Variants in STK38L observed in about 807,000 individuals in gnomAD.
STK38L encodes the protein serine/threonine kinase 38 like.
A neutral mutation model predicts 59.7 loss-of-function variants in STK38L; 28 were observed. The observed-to-expected ratio is 0.47, with a 90% CI of 0.35 to 0.64. STK38L has a LOEUF of 0.64. Among genes scored for constraint, STK38L ranks in the 30% least tolerant of loss-of-function variants. The probability of loss-of-function intolerance (pLI) is 0.01; values close to 1 mark genes in which losing one functional copy is unlikely to be tolerated. For missense variants in STK38L, 314 were observed against 555.8 expected, an observed-to-expected ratio of 0.56 and a Z score of 4.37; for synonymous variants, 162 against 176.8, an observed-to-expected ratio of 0.92 and a Z score of 0.66.
Position 27,259,644 on chromosome 12 carries a change from C to A in STK38L, c.-12+15312C>A, listed in dbSNP as rs552655428. ...ATAGAAGTGAAGGGTTTCTTTCCCCCCCTTTTTTTTCCTATCATGTATTAA... is the reference window on the plus strand; with the variant it reads ...ATAGAAGTGAAGGGTTTCTTTCCCCACCTTTTTTTTCCTATCATGTATTAA... On this transcript the variant is annotated intron_variant, in intron 1 of 13. Transcript: ENST00000389032. Among the ~76,000 whole-genome samples the A allele has an allele frequency of 3.9e-5, 6 of 152,246 alleles. No individual in the cohort carries two copies. The South Asian group carries it at 6.2e-4, about 16-fold the overall frequency.
At chr12:27,247,960 G>T (rs949044783) in intron 1 of STK38L, among the ~76,000 whole-genome samples, 3 of 151,842 alleles carry the variant, frequency 2.0e-5, no homozygotes, top group African/African-American at 7.3e-5. Context: ...GACTACAGGT[G>T]TGCACAAGCA....
chr12:27,300,489 G>A (rs1397087029), intron 2 of STK38L: 1 of 454,426 alleles, frequency 2.2e-6, no homozygotes, highest in South Asian at 1.6e-5. Flanking sequence ...GAAGAATAAA[G>A]TTGTTTATAT....
At chr12:27,272,843 G>C (rs1237961042) in intron 1 of STK38L, among the ~76,000 whole-genome samples, 1 of 152,146 alleles carries the variant, frequency 6.6e-6, no homozygotes, top group Non-Finnish European at 1.5e-5. Context: ...ATTGTTTTCT[G>C]TGTGGGTTGG....
intron 1 of STK38L, among the ~76,000 whole-genome samples, chr12:27,248,894 T>C (rs1942914409): frequency 6.6e-6 from 1 of 152,232 alleles, no homozygotes; most frequent in African/African-American, 2.4e-5. Flanking sequence ...ATAGTGATGG[T>C]ATATCATTTC....
chr12:27,288,763 C>A (rs73083088), intron 1 of STK38L, among the ~76,000 whole-genome samples: 17,541 of 150,474 alleles, frequency 0.12, 1,170 homozygotes, highest in Non-Finnish European at 0.16. Flanking sequence ...TTTGTTTTAC[C>A]TCTGAATATT....
chr12:27,257,954 C>T (rs1333907850), intron 1 of STK38L, among the ~76,000 whole-genome samples: 5 of 151,646 alleles, frequency 3.3e-5, no homozygotes, highest in Admixed American at 6.6e-5. Flanking sequence ...TTCTGCCTCC[C>T]GGGTTCAAGT....
rs1441571917 is a variant in STK38L at position 27,324,115 on chromosome 12, G to C, written c.*1660G>C. On this transcript the variant is annotated 3_prime_UTR_variant, in exon 14 of 14. Coordinates refer to ENST00000389032, the MANE Select transcript of STK38L (RefSeq NM_015000.4). ...CCACAGTGTTTCATAAGGCCATCCT[G>C]TTTCCCCCAACTCCCCCATTTTTGG... is the stretch of plus-strand genomic sequence containing the variant. The C allele has an allele frequency of 2.0e-5, 3 of 152,004 alleles. No individual in the cohort carries two copies. The highest frequency in any genetic ancestry group is 4.4e-5 in the Non-Finnish European group (3 of 67,944). 9.4% of individuals were successfully genotyped at this position (152,004 alleles called of 1,614,324 possible). A position where few individuals can be genotyped will look rare whatever the true frequency, so the allele number is the denominator to read the frequency against.
At chr12:27,265,473 T>C (rs1943283919) in intron 1 of STK38L, among the ~76,000 whole-genome samples, 1 of 152,202 alleles carries the variant, frequency 6.6e-6, no homozygotes. Flanking sequence ...TTGCTGTTAT[T>C]AATATATTGT....
At chr12:27,288,303 T>TTAAAAA (rs1943821822) in intron 1 of STK38L, among the ~76,000 whole-genome samples, 1 of 152,230 alleles carries the variant, frequency 6.6e-6, no homozygotes, top group Non-Finnish European at 1.5e-5. Flanking sequence ...AAAGCATACA[T>TTAAAAA]TTATTTTAAA....
intron 1 of STK38L, among the ~76,000 whole-genome samples, chr12:27,248,425 T>A (rs1942903126): frequency 6.6e-6 from 1 of 152,250 alleles, no homozygotes; most frequent in Non-Finnish European, 1.5e-5. Flanking sequence ...CTGATTTTAT[T>A]TATGAAGTTT....
chr12:27,314,991 T>C, intron 7 of STK38L, 24 bp from the exon 8 acceptor site: 4 of 1,558,738 alleles, frequency 2.6e-6, no homozygotes, highest in Non-Finnish European at 2.6e-6. Flanking sequence ...TAATATGATC[T>C]AATTTTACTG....
intron 1 of STK38L, among the ~76,000 whole-genome samples, chr12:27,283,279 A>G (rs1199530815): frequency 6.6e-5 from 10 of 152,208 alleles, no homozygotes; most frequent in Non-Finnish European, 1.3e-4. Flanking sequence ...TTTATGCATT[A>G]AAGTTTTGGA....
chr12:27,277,712 A>G (rs758804601), intron 1 of STK38L, among the ~76,000 whole-genome samples: 4 of 152,028 alleles, frequency 2.6e-5, no homozygotes, highest in African/African-American at 4.8e-5. Context: ...CTCCTGACCA[A>G]TTTTTCCAGC....
intron 3 of STK38L, among the ~76,000 whole-genome samples, chr12:27,306,980 C>T (rs990731603): frequency 4.6e-5 from 7 of 152,202 alleles, no homozygotes; most frequent in Admixed American, 2.6e-4. Context: ...CCATCCACCT[C>T]GGCCTCCCAA....
chr12:27,266,118 G>C (rs1275095724), intron 1 of STK38L, among the ~76,000 whole-genome samples: 1 of 152,182 alleles, frequency 6.6e-6, no homozygotes, highest in South Asian at 2.1e-4. Context: ...AAGGCATTGT[G>C]TCAGACTTTT....
At chr12:27,266,332 A>G (rs1943300546) in intron 1 of STK38L, among the ~76,000 whole-genome samples, 1 of 152,218 alleles carries the variant, frequency 6.6e-6, no homozygotes, top group Non-Finnish European at 1.5e-5. Context: ...AGAAAATTAG[A>G]TAATTTATAA....
At chr12:27,267,896 C>T (rs1178157663) in intron 1 of STK38L, among the ~76,000 whole-genome samples, 2 of 152,006 alleles carry the variant, frequency 1.3e-5, no homozygotes, top group Non-Finnish European at 1.5e-5. Flanking sequence ...AATTCCTATT[C>T]GGGTTTTTTG....
intron 2 of STK38L, chr12:27,298,404 T>G (rs1944082019): frequency 1.3e-5 from 2 of 152,616 alleles, no homozygotes; most frequent in African/African-American, 4.8e-5. Flanking sequence ...ATCACACCAC[T>G]GCACTCCAGC....
chr12:27,245,258 A>G (rs1359881575), intron 1 of STK38L, among the ~76,000 whole-genome samples: 1 of 152,194 alleles, frequency 6.6e-6, no homozygotes, highest in Non-Finnish European at 1.5e-5. Context: ...TGCAGAACCA[A>G]CACTTTTACC....
Sources: allele counts gnomAD v4.1 joint callset (sites outside exome capture counted in the v4.1 genomes callset), GRCh38; gene constraint gnomAD v4.1.1; transcripts MANE v1.5; gene names NCBI Gene and HGNC (gene_info 2026-07-23, HGNC 2026-07-21).